The following MYO18B variants were observed in gnomAD, a reference collection of about 807,000 sequenced individuals.
The protein encoded by MYO18B is myosin XVIIIB.
MYO18B carries 204 observed loss-of-function variants against 273.0 expected under a neutral mutation model. The ratio of observed to expected loss-of-function variants is 0.75; its 90% confidence interval spans 0.67 to 0.84. The LOEUF is 0.84. Among genes scored for constraint, MYO18B ranks in the 40% least tolerant of loss-of-function variants. The probability of loss-of-function intolerance (pLI) is 0.00; values close to 1 mark genes in which losing one functional copy is unlikely to be tolerated. For missense variants in MYO18B, 3,212 were observed against 3,287.6 expected (o/e 0.98, Z 0.56); for synonymous variants, 1,330 against 1,305.7 (o/e 1.02, Z -0.40).
chr22:25,903,839 A>AGCCCTGTCTCAGGGCAAC lies in MYO18B; in HGVS notation c.5148+9_5148+26dup, dbSNP rs1181870236. On this transcript the variant is annotated intron_variant, in intron 31 of 43. Coordinates refer to ENST00000335473, the MANE Select transcript of MYO18B (RefSeq NM_032608.7). ...ATCAAGCAGCTGGAGCAGGTAGGAAAGCCCTGTCTCAGGGCAACACCCTGT... is the reference window on the plus strand; with the variant it reads ...ATCAAGCAGCTGGAGCAGGTAGGAAAGCCCTGTCTCAGGGCAACGCCCTGTCTCAGGGCAACACCCTGT... The AGCCCTGTCTCAGGGCAAC allele has an allele frequency of 1.9e-6, 3 of 1,590,012 alleles. No individual in the cohort carries two copies. Among genetic ancestry groups the AGCCCTGTCTCAGGGCAAC allele is most frequent in the Non-Finnish European group, 2.6e-6 (3 of 1,168,754 alleles).
intron 12 of MYO18B, among the ~76,000 whole-genome samples, chr22:25,800,273 C>A (rs764387543): frequency 6.6e-6 from 1 of 152,118 alleles, no homozygotes; most frequent in African/African-American, 2.4e-5. Context: ...AAAATCTGAT[C>A]AATCACCACT....
At chr22:25,976,819 C>G (rs767584444) in intron 39 of MYO18B, among the ~76,000 whole-genome samples, 11 of 152,144 alleles carry the variant, frequency 7.2e-5, no homozygotes, top group Non-Finnish European at 1.3e-4. Flanking sequence ...ATTGTTTCCC[C>G]CTTCTTACTC....
intron 12 of MYO18B, among the ~76,000 whole-genome samples, chr22:25,802,481 T>C (rs561679755): frequency 1.3e-5 from 2 of 152,200 alleles, no homozygotes; most frequent in East Asian, 1.9e-4. Flanking sequence ...CCAGGCACGG[T>C]GGCTCACGCC....
chr22:25,804,779 C>T (rs565667139), intron 12 of MYO18B, among the ~76,000 whole-genome samples: 19 of 152,328 alleles, frequency 1.2e-4, no homozygotes, highest in African/African-American at 2.2e-4. Context: ...GGCAAGGTCC[C>T]GGCAGCGAGA....
At chr22:25,894,567 G>C (rs1366643550) in intron 27 of MYO18B, 1 of 152,160 alleles carries the variant, frequency 6.6e-6, no homozygotes. Context: ...ATCTTATCTT[G>C]TGGAGACATC....
chr22:25,787,299 CACACACACACA>C (rs2087443350), intron 11 of MYO18B, among the ~76,000 whole-genome samples: 1 of 145,552 alleles, frequency 6.9e-6, no homozygotes, highest in African/African-American at 2.5e-5. Flanking sequence ...CACACACACA[CACACACACACA>C]GTCTGTCTTA....
rs371261512 is a variant in MYO18B, at chr22:25,902,800, G to A, written c.4947+64G>A. 1.7e-4 allele frequency: 258 copies of A among 1,508,942 alleles called. 3 individuals carry two copies. In the South Asian group the frequency reaches 2.3e-3, roughly 14 times the overall value. The allele number at this position is 1,508,942 out of a possible 1,614,324, so 93.5% of individuals were successfully genotyped here. ...TGGCTAAATCTCGGGAAACTGCATC[G>A]TGCACCTGCTGCAAATGGTGACAGA... is the stretch of plus-strand genomic sequence containing the variant. On this transcript the variant is annotated intron_variant, in intron 30 of 43. Coordinates refer to ENST00000335473, the MANE Select transcript of MYO18B (RefSeq NM_032608.7).
In MYO18B at chr22:25,778,370, C is replaced by T. The variant is rs139026709; in HGVS notation, c.2068+589C>T. On this transcript the variant is annotated intron_variant, in intron 8 of 43. Transcript: ENST00000335473. ...TTTAGGATGTGATATTTGATCTGGG[C>T]CTTAAAAAAGAGTACCAATTAATAA... Among the ~76,000 whole-genome samples, 730 of 152,038 alleles carry T rather than the reference C, an allele frequency of 4.8e-3. 3 individuals carry two copies. The highest frequency in any genetic ancestry group is 0.016 in the African/African-American group (644 of 41,464).
At chr22:25,869,246 C>T (rs35815490) in intron 22 of MYO18B, among the ~76,000 whole-genome samples, 4,809 of 151,960 alleles carry the variant, frequency 0.032, 108 homozygotes, top group Non-Finnish European at 0.053. Context: ...GTCAGGAGTT[C>T]GAGACCAGCC....
chr22:26,001,625 C>A (rs548259294), intron 40 of MYO18B, among the ~76,000 whole-genome samples: 1 of 152,330 alleles, frequency 6.6e-6, no homozygotes, highest in South Asian at 2.1e-4. Flanking sequence ...CAAGAGAAAG[C>A]CATGGGATAG....
In MYO18B at chr22:25,823,716, C is replaced by G. The variant is rs556016631; in HGVS notation, c.2695+38C>G. On this transcript the variant is annotated intron_variant, in intron 13 of 43. Transcript: ENST00000335473. ...TGCCTCTTTGGGTGAGCTGGGCCCC[C>G]CTCTGGGCCAGCTCCTGGGGATACA... 1.1e-4 allele frequency: 180 copies of G among 1,605,876 alleles called. No individual in the cohort carries two copies. In the East Asian group the frequency reaches 1.7e-3, roughly 15 times the overall value.
rs756090483 is a variant in MYO18B, at chr22:25,851,604, G to A, written c.3885+25G>A. The A allele has an allele frequency of 3.4e-6, 5 of 1,467,010 alleles. No individual in the cohort carries two copies. In the Admixed American group the frequency reaches 7.9e-5, roughly 23 times the overall value. The allele number at this position is 1,467,010 out of a possible 1,614,324, so 90.9% of individuals were successfully genotyped here. A position where few individuals can be genotyped will look rare whatever the true frequency, so the allele number is the denominator to read the frequency against. ...GGTAGGTGGAGCACATGCGAGAGGG[G>A]TGAAGGCCCTAGATATGGATATGTT... is the stretch of plus-strand genomic sequence containing the variant. On this transcript the variant is annotated intron_variant, in intron 21 of 43. Transcript: ENST00000335473.
chr22:25,885,679 G>A (rs773563678), intron 25 of MYO18B, among the ~76,000 whole-genome samples: 22 of 152,136 alleles, frequency 1.4e-4, no homozygotes, highest in Non-Finnish European at 2.2e-4. Context: ...TCCTGAAGGG[G>A]AGGGCAGGAC....
At chr22:25,967,708 A>G (rs1029236918) in intron 39 of MYO18B, among the ~76,000 whole-genome samples, 3 of 152,206 alleles carry the variant, frequency 2.0e-5, no homozygotes, top group African/African-American at 7.2e-5. Context: ...AATTGGCTTA[A>G]GCAAAAGGAA....
intron 37 of MYO18B, 98 bp downstream of exon 37, chr22:25,950,548 G>GTGTGTGTGTGTGTGTA: frequency 1.3e-6 from 1 of 743,500 alleles, no homozygotes. Flanking sequence ...GTGTGTGTGT[G>GTGTGTGTGTGTGTGTA]TGTATGAGTT....
intron 3 of MYO18B, among the ~76,000 whole-genome samples, chr22:25,764,942 G>C (rs1336264795): frequency 6.6e-6 from 1 of 152,296 alleles, no homozygotes; most frequent in Non-Finnish European, 1.5e-5. Flanking sequence ...GCAGAGCGAG[G>C]GGGAGAGCCT....
intron 11 of MYO18B, among the ~76,000 whole-genome samples, chr22:25,796,141 G>T (rs1310242562): frequency 1.3e-5 from 2 of 152,106 alleles, no homozygotes; most frequent in Non-Finnish European, 2.9e-5. Context: ...GCAGGCTTCT[G>T]GGCTGAGTGT....
At chr22:25,940,745 C>T (rs2092634163) in intron 34 of MYO18B, among the ~76,000 whole-genome samples, 2 of 152,182 alleles carry the variant, frequency 1.3e-5, no homozygotes, top group Non-Finnish European at 2.9e-5. Context: ...CTTCCAGGAC[C>T]CACAATCACA....
chr22:25,768,640 G>A lies in MYO18B; in HGVS notation c.724G>A (p.Gly242Arg), dbSNP rs750518806. 7.2e-6 allele frequency: 11 copies of A among 1,530,438 alleles called. No individual in the cohort carries two copies. The highest frequency in any genetic ancestry group is 9.6e-6 in the Non-Finnish European group (11 of 1,143,968). The allele number at this position is 1,530,438 out of a possible 1,614,324, so 94.8% of individuals were successfully genotyped here. ...KKGEEGQSIVGKGLGTPKTTE... is the reference protein window; with the variant it reads ...KKGEEGQSIVRKGLGTPKTTE... ...AGGCGAGGAGGGTCAAAGCATAGTG[G>A]GGAAGGGGCTTGGGACCCCCAAGAC... The change falls in exon 4 of 44, where the codon GGG (glycine) becomes AGG (arginine). Residue 242 changes from glycine (G) to arginine (R), a missense_variant. Gly to Arg is a moderately radical substitution (Grantham distance 125, BLOSUM62 -2). Coordinates refer to ENST00000335473, the MANE Select transcript of MYO18B (RefSeq NM_032608.7).
Sources: gnomAD v4.1 joint callset for allele counts (sites outside exome capture counted in the v4.1 genomes callset) on GRCh38, gnomAD v4.1.1 for gene constraint, MANE v1.5 for transcripts, NCBI Gene and HGNC (gene_info 2026-07-23, HGNC 2026-07-21) for gene names.